The following FHIT variants were observed in gnomAD, a reference collection of about 807,000 sequenced individuals.
FHIT encodes fragile histidine triad diadenosine triphosphatase, also known as bis(5'-adenosyl)-triphosphatase.
A neutral mutation model predicts 17.9 loss-of-function variants in FHIT; 19 were observed. The ratio of observed to expected loss-of-function variants is 1.06; its 90% CI spans 0.74 to 1.56. FHIT has a LOEUF of 1.56. Ranked by LOEUF, FHIT falls within the 40% of genes most tolerant of loss-of-function variation. FHIT has a pLI of 0.00. For missense variants in FHIT, 248 were observed against 189.2 expected (o/e 1.31, Z -1.82); for synonymous variants, 81 against 69.7 (o/e 1.16, Z -0.81).
At chr3:60,063,832 A>C (rs1702390995) in intron 5 of FHIT, among the ~76,000 whole-genome samples, 1 of 152,158 alleles carries the variant, frequency 6.6e-6, no homozygotes. Context: ...GGAGAAGAAA[A>C]CCCATATACC....
At chr3:60,415,837 T>A (rs1009511452) in intron 5 of FHIT, among the ~76,000 whole-genome samples, 1 of 148,748 alleles carries the variant, frequency 6.7e-6, no homozygotes, top group Non-Finnish European at 1.5e-5. Flanking sequence ...TAATAATAAT[T>A]ACTTTGGGAT....
intron 4 of FHIT, among the ~76,000 whole-genome samples, chr3:60,613,649 C>T (rs1553674585): frequency 6.6e-6 from 1 of 152,038 alleles, no homozygotes; most frequent in African/African-American, 2.4e-5. Flanking sequence ...ACTTCCTTTT[C>T]TTTAACTTCC....
chr3:59,821,748 T>A (rs1031831142), intron 8 of FHIT, among the ~76,000 whole-genome samples: 186 of 152,114 alleles, frequency 1.2e-3, no homozygotes, highest in Non-Finnish European at 2.4e-3. Context: ...TTCTTAGAGT[T>A]TTTTTTTAAA....
chr3:60,537,047 GA>G, intron 4 of FHIT, 68 bp from the exon 5 acceptor site: 1 of 1,322,002 alleles, frequency 7.6e-7, no homozygotes, highest in Non-Finnish European at 1.0e-6. Context: ...CCACCTTAAA[GA>G]AAGCAAATTC....
At chr3:60,549,442 A>T (rs2036473973) in intron 4 of FHIT, among the ~76,000 whole-genome samples, 2 of 152,196 alleles carry the variant, frequency 1.3e-5, no homozygotes, top group Non-Finnish European at 2.9e-5. Context: ...ACATTTATGC[A>T]TCTCTTTGAT....
intron 5 of FHIT, among the ~76,000 whole-genome samples, chr3:60,281,160 G>A (rs1203829607): frequency 7.2e-6 from 1 of 139,070 alleles, no homozygotes; most frequent in Admixed American, 7.4e-5. Flanking sequence ...TACAGGATCT[G>A]TAAGGAAATA....
intron 8 of FHIT, among the ~76,000 whole-genome samples, chr3:59,754,894 G>A (rs1014945699): frequency 6.6e-6 from 1 of 152,058 alleles, no homozygotes; most frequent in Non-Finnish European, 1.5e-5. Flanking sequence ...TAGAACAGCG[G>A]CACTCAACCC....
intron 3 of FHIT, among the ~76,000 whole-genome samples, chr3:60,959,363 A>G (rs1168951269): frequency 1.3e-5 from 2 of 152,230 alleles, no homozygotes; most frequent in African/African-American, 4.8e-5. Flanking sequence ...CACAGATCAT[A>G]GCATCATCAG....
intron 2 of FHIT, among the ~76,000 whole-genome samples, chr3:61,121,905 A>G (rs932490688): frequency 1.3e-5 from 2 of 152,234 alleles, no homozygotes; most frequent in Non-Finnish European, 2.9e-5. Flanking sequence ...GCAAATGGAA[A>G]GCAAAAAAAA....
At chr3:60,366,078 A>G (rs1700095871) in intron 5 of FHIT, among the ~76,000 whole-genome samples, 3 of 152,154 alleles carry the variant, frequency 2.0e-5, no homozygotes, top group African/African-American at 7.2e-5. Context: ...GCTTTGCATG[A>G]TTTATTTTTG....
intron 8 of FHIT, 109 bp downstream of exon 8, chr3:59,922,237 A>G: frequency 6.0e-6 from 6 of 1,002,418 alleles, no homozygotes; most frequent in Non-Finnish European, 9.3e-6. Flanking sequence ...CTGGCTAAAT[A>G]GAATTCCATT....
chr3:60,165,181 G>A lies in FHIT; in HGVS notation c.104-151029C>T, dbSNP rs376308467. 4.4e-4 allele frequency among the ~76,000 whole-genome samples: 67 copies of A among 152,230 alleles called. No individual in the cohort carries two copies. In the South Asian group the frequency reaches 4.8e-3, roughly 11 times the overall value. ...TCAGTGTTAGCAGAGAAAACCCACC[G>A]TGCCAGGGAAGCTGCTGATGCTACT... On this transcript the variant is annotated intron_variant, in intron 5 of 9. Transcript: ENST00000492590.
intron 4 of FHIT, among the ~76,000 whole-genome samples, chr3:60,788,880 C>G (rs192749342): frequency 6.6e-6 from 1 of 151,984 alleles, no homozygotes. Flanking sequence ...TTCAATTTTA[C>G]TTCAAATGTT....
chr3:61,052,390 C>A (rs904201047), intron 2 of FHIT, among the ~76,000 whole-genome samples: 1 of 152,136 alleles, frequency 6.6e-6, no homozygotes, highest in South Asian at 2.1e-4. Context: ...CGGTAAATAG[C>A]ATATCCAGGA....
At chr3:60,700,620 T>A (rs1321056045) in intron 4 of FHIT, among the ~76,000 whole-genome samples, 1 of 152,180 alleles carries the variant, frequency 6.6e-6, no homozygotes, top group East Asian at 1.9e-4. Context: ...ACTCCCAAAA[T>A]TAAGGTTGCA....
intron 5 of FHIT, among the ~76,000 whole-genome samples, chr3:60,436,418 T>A (rs542389092): frequency 2.0e-5 from 3 of 152,110 alleles, no homozygotes; most frequent in Non-Finnish European, 4.4e-5. Context: ...TATTCAACAA[T>A]TTTTCACAAG....
intron 4 of FHIT, among the ~76,000 whole-genome samples, chr3:60,604,667 G>A (rs1050430957): frequency 7.2e-5 from 11 of 152,104 alleles, no homozygotes; most frequent in Non-Finnish European, 1.5e-5. Context: ...TATGCAGGAA[G>A]GAGCATGAAA....
chr3:60,936,350 A>C (rs1575719429), intron 3 of FHIT, among the ~76,000 whole-genome samples: 3 of 152,330 alleles, frequency 2.0e-5, no homozygotes, highest in East Asian at 3.9e-4. Flanking sequence ...AGTTCTGAAA[A>C]CAGAGTAAAT....
At chr3:60,317,345 G>C (rs1709209053) in intron 5 of FHIT, among the ~76,000 whole-genome samples, 1 of 151,432 alleles carries the variant, frequency 6.6e-6, no homozygotes, top group African/African-American at 2.4e-5. Context: ...CTTTGTAATT[G>C]ATAAATGAAA....
Sources: gnomAD v4.1 joint callset for allele counts (sites outside exome capture counted in the v4.1 genomes callset) on GRCh38, gnomAD v4.1.1 for gene constraint, MANE v1.5 for transcripts, NCBI Gene and HGNC (gene_info 2026-07-23, HGNC 2026-07-21) for gene names.